Variants in AP3B1 observed in about 807,000 individuals in gnomAD.
The protein encoded by AP3B1 is adaptor related protein complex 3 subunit beta 1.
AP3B1 carries 61 observed loss-of-function variants against 132.5 expected under a neutral mutation model. The observed-to-expected ratio is 0.46, with a 90% CI of 0.37 to 0.57. The LOEUF is 0.57. Among genes scored for constraint, AP3B1 ranks in the 20% least tolerant of loss-of-function variants. The pLI, the probability that AP3B1 is intolerant of heterozygous loss-of-function variation, is 0.00. For synonymous variants in AP3B1, 388 were observed against 438.3 expected, an observed-to-expected ratio of 0.89 and a Z score of 1.43; for missense variants, 1,120 against 1,289.4, an observed-to-expected ratio of 0.87 and a Z score of 2.01.
chr5:78,174,983 C>T (rs1006891468), intron 11 of AP3B1, among the ~76,000 whole-genome samples: 1 of 152,268 alleles, frequency 6.6e-6, no homozygotes, highest in East Asian at 1.9e-4. Flanking sequence ...AAGGCTGCTG[C>T]GCTAGCAGTG....
intron 3 of AP3B1, among the ~76,000 whole-genome samples, chr5:78,229,384 A>G (rs1000392203): frequency 5.3e-5 from 8 of 152,136 alleles, no homozygotes; most frequent in African/African-American, 1.9e-4. Context: ...ACCTTCTCAA[A>G]TATCTTCACA....
chr5:78,034,428 C>G lies in AP3B1; in HGVS notation c.2827G>C (p.Gly943Arg), dbSNP rs978298373. 6.2e-7 allele frequency: 1 copy of G among 1,610,768 alleles called. No homozygotes were observed. The highest frequency in any genetic ancestry group is 8.5e-7 in the Non-Finnish European group (1 of 1,177,290). Reference sequence around the variant, plus strand: ...ATACCCATTGAAACTGTAATGGATCCCTCAGGCTCAAGAGAGTCTAGGAAA... The same window carrying G: ...ATACCCATTGAAACTGTAATGGATCGCTCAGGCTCAAGAGAGTCTAGGAAA... ...FNPIDSLEPE[G>R]SITVSMGIDF... The change falls in exon 24 of 27, where the codon GGA becomes CGA. Residue 943 changes from glycine (G) to arginine (R), a missense_variant. By Grantham distance (125) the Gly-to-Arg change is moderately radical (BLOSUM62 -2). Transcript: ENST00000255194.
rs867256582 is a variant in AP3B1, at chr5:78,238,940, T to C, written c.279+1922A>G. Among the ~76,000 whole-genome samples the C allele has an allele frequency of 1.5e-4, 22 of 149,284 alleles. 1 individual carries two copies. Among genetic ancestry groups the C allele is most frequent in the Admixed American group, 2.7e-4 (4 of 14,844 alleles). The stretch of plus-strand genomic sequence containing the variant: ...CTGTCAACAACAGGTGCACACTAGA[T>C]ATAAACAGACAAGCTGAAAGCAAAT... On this transcript the variant is annotated intron_variant, in intron 3 of 26. Transcript: ENST00000255194.
chr5:78,015,843 C>T (rs535641341), intron 25 of AP3B1: 1 of 358,520 alleles, frequency 2.8e-6, no homozygotes, highest in South Asian at 2.6e-5. Flanking sequence ...CAATTTCAGT[C>T]TCTTTAAAGT....
chr5:78,135,142 G>A (rs890631848), intron 15 of AP3B1, among the ~76,000 whole-genome samples: 2 of 152,062 alleles, frequency 1.3e-5, no homozygotes, highest in Non-Finnish European at 2.9e-5. Context: ...TTTAACTTTA[G>A]GAGGAATCCC....
intron 21 of AP3B1, among the ~76,000 whole-genome samples, chr5:78,096,390 G>A (rs562382580): frequency 1.3e-5 from 2 of 152,164 alleles, no homozygotes; most frequent in Admixed American, 1.3e-4. Flanking sequence ...ACCTGCCTTG[G>A]CCTCCCAAAG....
At chr5:78,064,110 T>C (rs1199182007) in intron 22 of AP3B1, among the ~76,000 whole-genome samples, 1 of 150,792 alleles carries the variant, frequency 6.6e-6, no homozygotes, top group Non-Finnish European at 1.5e-5. Context: ...AGGGAAAAAA[T>C]TTTGCCATTT....
chr5:78,148,698 T>C (rs1753518344), intron 14 of AP3B1, among the ~76,000 whole-genome samples: 2 of 152,252 alleles, frequency 1.3e-5, no homozygotes, highest in South Asian at 4.2e-4. Flanking sequence ...ATTTATTAGG[T>C]TGGTGCAAAG....
intron 26 of AP3B1, among the ~76,000 whole-genome samples, chr5:78,014,698 T>C (rs1425178069): frequency 6.6e-6 from 1 of 152,234 alleles, no homozygotes; most frequent in African/African-American, 2.4e-5. Context: ...TGCCATGAGA[T>C]GGTTTGCAAC....
At chr5:78,276,278 G>C (rs1748772059) in intron 1 of AP3B1, among the ~76,000 whole-genome samples, 1 of 151,916 alleles carries the variant, frequency 6.6e-6, no homozygotes, top group African/African-American at 2.4e-5. Flanking sequence ...ATGTTGTCCA[G>C]GCTGATCTTG....
intron 26 of AP3B1, among the ~76,000 whole-genome samples, chr5:78,008,573 A>G (rs1386947467): frequency 6.6e-6 from 1 of 152,176 alleles, no homozygotes; most frequent in Non-Finnish European, 1.5e-5. Flanking sequence ...GACAGCCACC[A>G]ACCTGAGAAA....
chr5:78,118,055 C>G (rs1435968378), intron 17 of AP3B1, among the ~76,000 whole-genome samples: 12 of 152,100 alleles, frequency 7.9e-5, no homozygotes. Flanking sequence ...ATAGAATCAC[C>G]TGAGAATAGT....
chr5:78,193,609 T>C (rs1203704310), intron 7 of AP3B1, among the ~76,000 whole-genome samples: 1 of 149,622 alleles, frequency 6.7e-6, no homozygotes, highest in Non-Finnish European at 1.5e-5. Context: ...ATTCTGTTTT[T>C]AGTAGAACTG....
chr5:78,192,890 C>G (rs1744902814), intron 7 of AP3B1, among the ~76,000 whole-genome samples: 1 of 152,148 alleles, frequency 6.6e-6, no homozygotes, highest in South Asian at 2.1e-4. Flanking sequence ...TGATCCCGTA[C>G]TCCCAGTCTC....
intron 6 of AP3B1, among the ~76,000 whole-genome samples, chr5:78,223,456 C>G (rs771873887): frequency 3.9e-5 from 6 of 151,928 alleles, no homozygotes; most frequent in Non-Finnish European, 7.4e-5. Flanking sequence ...AAAAACGATA[C>G]TACACACTTA....
At chr5:78,009,707 T>C (rs983783145) in intron 26 of AP3B1, among the ~76,000 whole-genome samples, 1 of 137,198 alleles carries the variant, frequency 7.3e-6, no homozygotes, top group Non-Finnish European at 1.5e-5. Context: ...AAGTTGCATA[T>C]GGTAAAAGCT....
At chr5:78,180,677 A>G (rs1259144927) in intron 8 of AP3B1, among the ~76,000 whole-genome samples, 1 of 152,046 alleles carries the variant, frequency 6.6e-6, no homozygotes, top group Non-Finnish European at 1.5e-5. Flanking sequence ...AAAAAAGGTT[A>G]GAAAATGCTA....
chr5:78,044,945 C>T (rs868047770), intron 22 of AP3B1, among the ~76,000 whole-genome samples: 3 of 152,122 alleles, frequency 2.0e-5, no homozygotes, highest in African/African-American at 2.4e-5. Flanking sequence ...ATGAATTCAC[C>T]GTCTAAAAAG....
At chr5:78,143,717 T>C (rs1753255039) in intron 14 of AP3B1, among the ~76,000 whole-genome samples, 1 of 152,078 alleles carries the variant, frequency 6.6e-6, no homozygotes, top group Non-Finnish European at 1.5e-5. Context: ...GTAAGAAAAT[T>C]AGTCACTTTT....
Sources: gnomAD v4.1 joint callset for allele counts (sites outside exome capture counted in the v4.1 genomes callset) on GRCh38, gnomAD v4.1.1 for gene constraint, MANE v1.5 for transcripts, NCBI Gene and HGNC (gene_info 2026-07-23, HGNC 2026-07-21) for gene names.